The following INPP5F variants were observed in gnomAD, a reference collection of about 807,000 sequenced individuals.
INPP5F encodes the protein inositol polyphosphate-5-phosphatase F, also known as phosphatidylinositide 4-phosphatase SAC2.
Under a neutral mutation model 137.2 loss-of-function variants are expected in INPP5F, and 97 were observed. That is an observed-to-expected ratio of 0.71 (90% CI 0.60 to 0.84). The LOEUF (loss-of-function observed/expected upper bound fraction) is 0.84. Among genes scored for constraint, INPP5F ranks in the 40% least tolerant of loss-of-function variants. INPP5F has a pLI of 0.00. For synonymous variants in INPP5F, 504 were observed against 476.9 expected, an observed-to-expected ratio of 1.06 and a Z score of -0.74; for missense variants, 1,271 against 1,371.9, an observed-to-expected ratio of 0.93 and a Z score of 1.16.
intron 6 of INPP5F, among the ~76,000 whole-genome samples, chr10:119,795,301 G>A (rs1422814427): frequency 6.6e-6 from 1 of 151,818 alleles, no homozygotes; most frequent in South Asian, 2.1e-4. Context: ...GCCAGGCGGA[G>A]ACGCTCCTCA....
intron 15 of INPP5F, among the ~76,000 whole-genome samples, chr10:119,814,074 T>G (rs954914834): frequency 1.3e-5 from 2 of 151,960 alleles, no homozygotes; most frequent in African/African-American, 4.8e-5. Flanking sequence ...AGCCAGTGAG[T>G]ATCTTCTGTT....
intron 13 of INPP5F, among the ~76,000 whole-genome samples, chr10:119,809,082 G>T (rs1271285029): frequency 6.6e-6 from 1 of 152,142 alleles, no homozygotes; most frequent in Non-Finnish European, 1.5e-5. Context: ...AATTAGCTGG[G>T]CATGGTGGCG....
chr10:119,767,920 T>G (rs767115869), intron 2 of INPP5F, among the ~76,000 whole-genome samples: 5 of 152,228 alleles, frequency 3.3e-5, no homozygotes, highest in Non-Finnish European at 7.3e-5. Context: ...GTCATTTGGT[T>G]TACATTTTTT....
At chr10:119,772,220 A>T (rs554098216) in intron 2 of INPP5F, among the ~76,000 whole-genome samples, 1 of 151,740 alleles carries the variant, frequency 6.6e-6, no homozygotes, top group Non-Finnish European at 1.5e-5. Context: ...CTTTGGGGAC[A>T]TTACCTTTTT....
At chr10:119,785,372 G>A (rs1203592249) in intron 3 of INPP5F, among the ~76,000 whole-genome samples, 1 of 144,864 alleles carries the variant, frequency 6.9e-6, no homozygotes, top group South Asian at 2.3e-4. Flanking sequence ...TGCAACCTCC[G>A]CCTCCCGGGT....
intron 2 of INPP5F, among the ~76,000 whole-genome samples, chr10:119,778,038 ACT>A (rs1210566711): frequency 6.6e-6 from 1 of 152,004 alleles, no homozygotes; most frequent in Admixed American, 6.6e-5. Flanking sequence ...GCAGGGTCTC[ACT>A]CTCTTGCCCA....
chr10:119,734,060 C>T (rs908958530), intron 1 of INPP5F, among the ~76,000 whole-genome samples: 7 of 152,162 alleles, frequency 4.6e-5, no homozygotes, highest in African/African-American at 1.7e-4. Context: ...CTAAAAAAGT[C>T]ATGCAAATTT....
chr10:119,795,245 C>T (rs1283215566), intron 6 of INPP5F, among the ~76,000 whole-genome samples: 6 of 150,272 alleles, frequency 4.0e-5, no homozygotes, highest in Non-Finnish European at 5.9e-5. Context: ...GGCGGCTGGC[C>T]GGGCGGGGGG....
At chr10:119,820,757 G>T in intron 15 of INPP5F, 89 bp from the exon 16 acceptor site, 1 of 1,025,024 alleles carries the variant, frequency 9.8e-7, no homozygotes, top group Non-Finnish European at 1.5e-6. Flanking sequence ...CCAATTTTTT[G>T]TCCTAAGTAG....
intron 1 of INPP5F, 73 bp from the exon 2 acceptor site, chr10:119,751,003 C>T (rs1848676224): frequency 2.1e-6 from 2 of 960,432 alleles, no homozygotes; most frequent in Non-Finnish European, 3.3e-6. Context: ...TTTTTCAATA[C>T]ACTGCTAAAG....
At chr10:119,805,912 T>C (rs190268792) in intron 11 of INPP5F, among the ~76,000 whole-genome samples, 160 of 152,340 alleles carry the variant, frequency 1.1e-3, no homozygotes, top group African/African-American at 3.7e-3. Flanking sequence ...ATGTTAAGAC[T>C]ACACGGGTGG....
rs71019717 is a variant in INPP5F at position 119,785,286 on chromosome 10, G to GTTTTTTTTT, written c.315+3523_315+3531dup. On this transcript the variant is annotated intron_variant, in intron 3 of 19. Transcript: ENST00000650623. ...TAACCTTTTGTGGAACTGCCAGACT[G>GTTTTTTTTT]TTTTTTTTTTTTTTTTGGAGACGGA... is the stretch of plus-strand genomic sequence containing the variant. Among the ~76,000 whole-genome samples, 1,017 of 106,014 alleles carry GTTTTTTTTT rather than the reference G, an allele frequency of 9.6e-3. 62 individuals are homozygous for GTTTTTTTTT. In the East Asian group the frequency reaches 0.11, roughly 11 times the overall value. The allele number at this position is 106,014 out of a possible 152,430, so 69.5% of individuals were successfully genotyped here. A position where few individuals can be genotyped will look rare whatever the true frequency, so the allele number is the denominator to read the frequency against.
Position 119,821,239 on chromosome 10 carries a change from G to A in INPP5F, c.1958+322G>A, listed in dbSNP as rs371289492. On this transcript the variant is annotated intron_variant, in intron 16 of 19. Transcript: ENST00000650623. ...TTATCACTAATGACCACGTATCATT[G>A]TTTGCATTACTATAGTGAAGTTTTT... 4.4e-4 allele frequency among the ~76,000 whole-genome samples: 67 copies of A among 152,116 alleles called. 1 individual carries two copies. The East Asian group carries it at 8.9e-3, about 20-fold the overall frequency.
intron 3 of INPP5F, among the ~76,000 whole-genome samples, chr10:119,789,598 C>G (rs1850061889): frequency 6.6e-6 from 1 of 151,950 alleles, no homozygotes; most frequent in Admixed American, 6.6e-5. Context: ...AGACAAAGAT[C>G]CTGCCTCAAC....
At chr10:119,792,274 C>T (rs769695921) in intron 6 of INPP5F, 61 bp downstream of exon 6, 109 of 1,194,092 alleles carry the variant, frequency 9.1e-5, no homozygotes, top group Middle Eastern at 1.9e-4. Flanking sequence ...GTTTCTAAAA[C>T]GTCTGGTTAT....
intron 15 of INPP5F, chr10:119,818,679 C>T (rs1292294954): frequency 6.6e-6 from 1 of 152,386 alleles, no homozygotes; most frequent in African/African-American, 2.4e-5. Context: ...AGACGTGTCC[C>T]CTGGGCGTGA....
intron 13 of INPP5F, 50 bp from the exon 14 acceptor site, chr10:119,810,050 G>T: frequency 1.0e-6 from 1 of 996,820 alleles, no homozygotes; most frequent in Middle Eastern, 2.1e-4. Context: ...TTTATTTTGG[G>T]GGCATTCTTG....
chr10:119,795,264 C>T (rs1850324801), intron 6 of INPP5F, among the ~76,000 whole-genome samples: 1 of 151,828 alleles, frequency 6.6e-6, no homozygotes, highest in Non-Finnish European at 1.5e-5. Flanking sequence ...GGCTGACCCC[C>T]CTACCTCCCT....
chr10:119,804,241 G>GT lies in INPP5F; in HGVS notation c.1187dup (p.Leu396PhefsTer14). ...TTGGCGATGCTTACCTGAAGCAAGT[G>GT]TTGCTTTTCAACAACTCACACCTCA... On this transcript the variant is annotated frameshift_variant, in exon 10 of 20. Coordinates refer to ENST00000650623, the MANE Select transcript of INPP5F (RefSeq NM_014937.4). LOFTEE classifies it high-confidence loss of function. 1 of 1,612,276 alleles carries GT rather than the reference G, an allele frequency of 6.2e-7. No homozygotes were observed. Among genetic ancestry groups the GT allele is most frequent in the Non-Finnish European group, 8.5e-7 (1 of 1,178,860 alleles).
Sources: gnomAD v4.1 joint callset for allele counts (sites outside exome capture counted in the v4.1 genomes callset) on GRCh38, gnomAD v4.1.1 for gene constraint, MANE v1.5 for transcripts, NCBI Gene and HGNC (gene_info 2026-07-23, HGNC 2026-07-21) for gene names.